RPGRIP1: variants seen among roughly 807,000 people sequenced by gnomAD.
RPGRIP1 encodes X-linked retinitis pigmentosa GTPase regulator-interacting protein 1.
In RPGRIP1, 128 loss-of-function variants were observed where a neutral mutation model predicts 157.9. The observed-to-expected ratio is 0.81, with a 90% CI of 0.70 to 0.94. The LOEUF (loss-of-function observed/expected upper bound fraction) is 0.94, where lower values mean the gene tolerates loss of function less well. Among genes scored for constraint, RPGRIP1 ranks in the 40% least tolerant of loss-of-function variants. The pLI is 0.00. For missense variants in RPGRIP1, 1,486 were observed against 1,545.8 expected, an observed-to-expected ratio of 0.96 and a Z score of 0.65; for synonymous variants, 554 against 571.6, an observed-to-expected ratio of 0.97 and a Z score of 0.44.
chr14:21,288,993 A>G (rs1425056973), intron 2 of RPGRIP1, among the ~76,000 whole-genome samples: 1 of 152,140 alleles, frequency 6.6e-6, no homozygotes, highest in African/African-American at 2.4e-5. Flanking sequence ...TTTAAGATGA[A>G]AGGGCTCAGC....
rs774735061 is a variant in RPGRIP1 at position 21,302,540 on chromosome 14, G to A, written c.543G>A (p.Ala181=). 65 of 1,588,876 alleles carry A rather than the reference G, an allele frequency of 4.1e-5. No individual in the cohort carries two copies. In the Admixed American group the frequency reaches 6.8e-4, roughly 17 times the overall value. The change falls in exon 5 of 25, where the codon GCG becomes GCA. Residue 181 remains alanine (A), a synonymous_variant. Transcript: ENST00000400017. ...CCCCTCCATCGTTTAAGGAGCATGC[G>A]ACAAATGAAAACAGAGGTGAAGTAG... ...YTAPPSFKEH[A]TNENRGEVAS...
intron 6 of RPGRIP1, among the ~76,000 whole-genome samples, chr14:21,304,407 G>T (rs1348441375): frequency 7.0e-6 from 1 of 143,606 alleles, no homozygotes; most frequent in Non-Finnish European, 1.6e-5. Flanking sequence ...AAGAAAGAAA[G>T]AAAGAAAGAA....
chr14:21,325,536 C>T (rs2139233364), intron 16 of RPGRIP1, among the ~76,000 whole-genome samples, 153 bp downstream of exon 16: 1 of 152,350 alleles, frequency 6.6e-6, no homozygotes, highest in Middle Eastern at 3.4e-3. Context: ...TTCCCTTGGT[C>T]AGGCTTGAGT....
At chr14:21,331,545 C>T (rs1883794977) in intron 20 of RPGRIP1, among the ~76,000 whole-genome samples, 1 of 151,916 alleles carries the variant, frequency 6.6e-6, no homozygotes, top group Non-Finnish European at 1.5e-5. Context: ...AAAAACAGGA[C>T]AGTGTTTGTC....
At chr14:21,281,356 A>G (rs1880118720) in intron 1 of RPGRIP1, among the ~76,000 whole-genome samples, 1 of 152,054 alleles carries the variant, frequency 6.6e-6, no homozygotes, top group South Asian at 2.1e-4. Flanking sequence ...ATTACCTCAT[A>G]TGCTCATCAA....
intron 24 of RPGRIP1, 45 bp from the exon 25 acceptor site, chr14:21,351,059 A>C: frequency 1.9e-6 from 2 of 1,079,464 alleles, no homozygotes; most frequent in Non-Finnish European, 2.8e-6. Flanking sequence ...ACCAAGTATC[A>C]AAGTGTTCAA....
intron 2 of RPGRIP1, among the ~76,000 whole-genome samples, chr14:21,294,029 G>C (rs1408053960): frequency 1.4e-5 from 2 of 144,780 alleles, no homozygotes; most frequent in African/African-American, 5.1e-5. Context: ...CTCTAGACTG[G>C]GTGACAGAGC....
At chr14:21,330,557 G>A (rs543404000) in intron 20 of RPGRIP1, among the ~76,000 whole-genome samples, 170 bp downstream of exon 20, 13 of 151,664 alleles carry the variant, frequency 8.6e-5, no homozygotes, top group Middle Eastern at 3.4e-3. Flanking sequence ...TCCCAGCTAC[G>A]TGGGCGGCGG....
chr14:21,304,131 G>A (rs1344941109), intron 6 of RPGRIP1, among the ~76,000 whole-genome samples: 3 of 151,680 alleles, frequency 2.0e-5, no homozygotes, highest in Non-Finnish European at 4.4e-5. Context: ...TGGCCAACGT[G>A]GTGAAACCCC....
intron 24 of RPGRIP1, among the ~76,000 whole-genome samples, chr14:21,350,245 G>A (rs529261349): frequency 6.6e-6 from 1 of 152,044 alleles, no homozygotes; most frequent in African/African-American, 2.4e-5. Context: ...CAGGCATGGC[G>A]GCGGACACCT....
intron 2 of RPGRIP1, among the ~76,000 whole-genome samples, chr14:21,292,352 C>T (rs1880566926): frequency 6.6e-6 from 1 of 150,830 alleles, no homozygotes; most frequent in South Asian, 2.1e-4. Flanking sequence ...ACCTCAGAAA[C>T]ACTGTTTTCG....
At chr14:21,345,960 C>G (rs1044738247) in intron 23 of RPGRIP1, among the ~76,000 whole-genome samples, 1 of 151,962 alleles carries the variant, frequency 6.6e-6, no homozygotes, top group East Asian at 1.9e-4. Flanking sequence ...GCTGGGATGA[C>G]AGGTGCACGC....
chr14:21,304,102 C>T (rs1469583605), intron 6 of RPGRIP1, among the ~76,000 whole-genome samples: 2 of 151,676 alleles, frequency 1.3e-5, no homozygotes, highest in Non-Finnish European at 2.9e-5. Flanking sequence ...CACCTGAGAT[C>T]GGGAGTTCAA....
chr14:21,289,066 G>A (rs1354317927), intron 2 of RPGRIP1, among the ~76,000 whole-genome samples: 1 of 152,106 alleles, frequency 6.6e-6, no homozygotes, highest in East Asian at 1.9e-4. Context: ...AGTGGCTCAT[G>A]CCTGTAATCC....
At position 21,327,611 on chromosome 14, in the gene RPGRIP1, T is replaced by C; in HGVS notation, c.2711-12T>C. 2 of 1,612,786 alleles carry C rather than the reference T, an allele frequency of 1.2e-6. No individual in the cohort carries two copies. Among genetic ancestry groups the C allele is most frequent in the Non-Finnish European group, 1.7e-6 (2 of 1,178,780 alleles). ...TGTGATCAGGTCTTATTAATATCTG[T>C]TTGTTTCTCAGGTGATTTTAACCTC... On this transcript the variant is annotated splice_polypyrimidine_tract_variant and intron_variant, in intron 17 of 24. Coordinates refer to ENST00000400017, the MANE Select transcript of RPGRIP1 (RefSeq NM_020366.4).
At chr14:21,292,798 C>A (rs1361284993) in intron 2 of RPGRIP1, among the ~76,000 whole-genome samples, 3 of 151,496 alleles carry the variant, frequency 2.0e-5, no homozygotes, top group African/African-American at 7.3e-5. Flanking sequence ...TGCAGTGAGC[C>A]AAGACAGCAC....
intron 21 of RPGRIP1, among the ~76,000 whole-genome samples, chr14:21,341,049 GT>G (rs1205327444): frequency 6.6e-6 from 1 of 151,994 alleles, no homozygotes. Flanking sequence ...TTTTTTGTTT[GT>G]TTGTTTGTTT....
At chr14:21,327,932 G>C in intron 18 of RPGRIP1, 125 bp downstream of exon 18, 1 of 677,166 alleles carries the variant, frequency 1.5e-6, no homozygotes, top group Non-Finnish European at 2.3e-6. Context: ...ACTTTGGGAG[G>C]CCATGGCAGG....
rs371044065 is a variant in RPGRIP1, at chr14:21,294,728, T to C, written c.137T>C (p.Leu46Ser). The C allele has an allele frequency of 1.8e-5, 29 of 1,613,290 alleles. No homozygotes were observed. Among genetic ancestry groups the C allele is most frequent in the African/African-American group, 2.7e-5 (2 of 74,836 alleles). Residue 46 changes from leucine (L) to serine (S), a missense_variant, in exon 3 of 25, where the codon TTG becomes TCG. Leu to Ser is a moderately radical substitution (Grantham distance 145). Transcript: ENST00000400017. Reference sequence around the variant, plus strand: ...TTGAGCAGGATGAACCGGGAGGAATTGGAGGACAGTTTCTTTCGACTTCGC... The same window carrying C: ...TTGAGCAGGATGAACCGGGAGGAATCGGAGGACAGTTTCTTTCGACTTCGC... Reference protein sequence around the residue: ...PPLSRMNREELEDSFFRLRED... With the variant: ...PPLSRMNREESEDSFFRLRED...
Sources: gnomAD v4.1 joint callset for allele counts (sites outside exome capture counted in the v4.1 genomes callset) on GRCh38, gnomAD v4.1.1 for gene constraint, MANE v1.5 for transcripts, NCBI Gene and HGNC (gene_info 2026-07-23, HGNC 2026-07-21) for gene names.